The following NREP variants were observed in gnomAD, a reference collection of about 807,000 sequenced individuals.
The protein encoded by NREP is neuronal regeneration-related protein.
In NREP, 5 loss-of-function variants were observed where a neutral mutation model predicts 8.6. The observed-to-expected ratio is 0.58, with a 90% CI of 0.30 to 1.22. NREP has a LOEUF of 1.22. NREP is among the 50% of genes most tolerant of loss of function. The probability of loss-of-function intolerance (pLI) is 0.07; values close to 1 mark genes in which losing one functional copy is unlikely to be tolerated. For synonymous variants in NREP, 27 were observed against 28.0 expected (o/e 0.96, Z 0.11); for missense variants, 86 against 82.5 (o/e 1.04, Z -0.17).
rs1756004964 is a variant in NREP, at chr5:111,946,968, C to T, written c.135+28306G>A. The stretch of plus-strand genomic sequence containing the variant: ...AATAAAAATAAGAATATACTAGTCT[C>T]CTCACAACTATTCCAATGTTTTTCT... On this transcript the variant is annotated intron_variant, in intron 2 of 3. Coordinates refer to the NREP transcript ENST00000395634. 3.3e-5 allele frequency among the ~76,000 whole-genome samples: 5 copies of T among 152,032 alleles called. No individual in the cohort carries two copies. The South Asian group carries it at 1.0e-3, about 32-fold the overall frequency.
Position 111,729,582 on chromosome 5 carries a change from T to C in NREP, c.*1339A>G, listed in dbSNP as rs1158156758. 1.3e-5 allele frequency: 2 copies of C among 152,792 alleles called. No individual in the cohort carries two copies. Among genetic ancestry groups the C allele is most frequent in the African/African-American group, 4.8e-5 (2 of 41,572 alleles). The allele number at this position is 152,792 out of a possible 1,614,324, so 9.5% of individuals were successfully genotyped here. On this transcript the variant is annotated 3_prime_UTR_variant, in exon 4 of 4. Transcript: ENST00000257435. ...GCAAGAAGAAAACGAAGAAGTGCAG[T>C]GCATGCGTCATCGGTGTTTAACAGT...
intron 2 of NREP, among the ~76,000 whole-genome samples, chr5:111,906,782 T>G (rs1026529015): frequency 1.3e-5 from 2 of 152,126 alleles, no homozygotes; most frequent in African/African-American, 4.8e-5. Context: ...TTTAGCATCT[T>G]TCATGTGCTT....
chr5:111,775,296 C>G (rs970584419), intron 2 of NREP, among the ~76,000 whole-genome samples: 1 of 152,128 alleles, frequency 6.6e-6, no homozygotes, highest in Non-Finnish European at 1.5e-5. Flanking sequence ...ATGGGATACT[C>G]CAAAATGACC....
upstream of NREP, chr5:111,757,808 G>A: frequency 3.1e-6 from 3 of 969,552 alleles, no homozygotes; most frequent in Non-Finnish European, 3.7e-6. Flanking sequence ...ACGTGCGGTT[G>A]CTTTTCAGAC....
intron 2 of NREP, among the ~76,000 whole-genome samples, chr5:111,873,887 CTT>C (rs1438061421): frequency 6.6e-6 from 1 of 152,158 alleles, no homozygotes; most frequent in East Asian, 1.9e-4. Context: ...TCCATCAAAT[CTT>C]GCATCTTCTT....
chr5:111,903,397 T>G (rs1192476604), intron 2 of NREP, among the ~76,000 whole-genome samples: 3 of 152,068 alleles, frequency 2.0e-5, no homozygotes, highest in African/African-American at 7.2e-5. Context: ...CCATGAAATT[T>G]TTGAAGTTTC....
chr5:111,925,102 A>T (rs535410183), intron 2 of NREP, among the ~76,000 whole-genome samples: 3 of 152,124 alleles, frequency 2.0e-5, no homozygotes, highest in Admixed American at 6.5e-5. Flanking sequence ...GAACAGAGAG[A>T]CCAGCTCCAG....
At chr5:111,822,241 G>A (rs1368715893) in intron 2 of NREP, among the ~76,000 whole-genome samples, 1 of 152,164 alleles carries the variant, frequency 6.6e-6, no homozygotes, top group Non-Finnish European at 1.5e-5. Flanking sequence ...GTCCTGGAGA[G>A]AAGGGGAATA....
intron 2 of NREP, among the ~76,000 whole-genome samples, chr5:111,913,636 T>C (rs192456582): frequency 8.3e-4 from 126 of 152,092 alleles, no homozygotes; most frequent in African/African-American, 2.8e-3. Flanking sequence ...AATCAGACAA[T>C]TGGGTAAGAG....
At chr5:111,742,467 C>A (rs1749743257) in intron 2 of NREP, among the ~76,000 whole-genome samples, 1 of 152,044 alleles carries the variant, frequency 6.6e-6, no homozygotes, top group African/African-American at 2.4e-5. Flanking sequence ...ATCGTCAGCA[C>A]AAAGAGCTTT....
intron 2 of NREP, among the ~76,000 whole-genome samples, chr5:111,790,347 C>CTTT (rs57775701): frequency 1.0e-4 from 6 of 59,642 alleles, no homozygotes; most frequent in African/African-American, 2.8e-4. Flanking sequence ...AAAACCTTAA[C>CTTT]TTTTTTTTTT....
intron 2 of NREP, among the ~76,000 whole-genome samples, chr5:111,746,897 G>C (rs1750041792): frequency 6.6e-6 from 1 of 152,136 alleles, no homozygotes. Flanking sequence ...TCCCTGCACA[G>C]CATTCATTCT....
At chr5:111,761,277 C>T (rs1158306005), upstream of NREP, among the ~76,000 whole-genome samples, 2 of 152,156 alleles carry the variant, frequency 1.3e-5, no homozygotes, top group African/African-American at 4.8e-5. Flanking sequence ...CTCCTTCTGG[C>T]CTCATGTCTT....
Position 111,730,801 on chromosome 5 carries a change from C to G in NREP, c.*120G>C. On this transcript the variant is annotated 3_prime_UTR_variant, in exon 4 of 4. Coordinates refer to ENST00000257435, the MANE Select transcript of NREP (RefSeq NM_004772.4). ...CCACTGTAAATTCTCTAAAGCAAGG[C>G]TCAGAGTCCCATAGTTTCTTCTTAT... 1 of 1,165,686 alleles carries G rather than the reference C, an allele frequency of 8.6e-7. No individual in the cohort carries two copies. Among genetic ancestry groups the G allele is most frequent in the Non-Finnish European group, 1.2e-6 (1 of 828,980 alleles). The allele number at this position is 1,165,686 out of a possible 1,614,324, so 72.2% of individuals were successfully genotyped here.
chr5:111,903,077 T>C (rs558060119), intron 2 of NREP, among the ~76,000 whole-genome samples: 1 of 149,046 alleles, frequency 6.7e-6, no homozygotes, highest in East Asian at 2.0e-4. Context: ...TGTCTTGTCT[T>C]TTCTCTTTTT....
intron 2 of NREP, among the ~76,000 whole-genome samples, chr5:111,882,060 G>A (rs1754093981): frequency 1.3e-5 from 2 of 152,086 alleles, no homozygotes; most frequent in Admixed American, 1.3e-4. Flanking sequence ...CAAACCAAAG[G>A]CAAAGAAGTT....
At chr5:111,930,633 G>A (rs1389210294) in intron 2 of NREP, among the ~76,000 whole-genome samples, 1 of 152,134 alleles carries the variant, frequency 6.6e-6, no homozygotes, top group South Asian at 2.1e-4. Context: ...AGGATTCACA[G>A]TTAGTTAGCT....
In NREP at chr5:111,773,229, C is replaced by A. The variant is rs78126700; in HGVS notation, c.136-37722G>T. ...CAAAAAAAGGAGAGAAGAAAAGGAA[C>A]TATTATCTGCTCAGCAGTAAACTAT... On this transcript the variant is annotated intron_variant, in intron 2 of 3. Transcript: ENST00000395634. Among the ~76,000 whole-genome samples, 1,168 of 152,140 alleles carry A rather than the reference C, an allele frequency of 7.7e-3. 6 individuals are homozygous for A. Among genetic ancestry groups the A allele is most frequent in the African/African-American group, 0.027 (1,111 of 41,506 alleles).
intron 2 of NREP, among the ~76,000 whole-genome samples, chr5:111,855,661 C>G (rs1346225386): frequency 6.6e-6 from 1 of 152,110 alleles, no homozygotes; most frequent in African/African-American, 2.4e-5. Context: ...CATCTAAGAA[C>G]CTTCAGGGGA....
Sources: gnomAD v4.1 joint callset for allele counts (sites outside exome capture counted in the v4.1 genomes callset) on GRCh38, gnomAD v4.1.1 for gene constraint, MANE v1.5 for transcripts, NCBI Gene and HGNC (gene_info 2026-07-23, HGNC 2026-07-21) for gene names.